Variants in DNA2 observed in about 807,000 individuals in gnomAD.
DNA2 encodes the protein DNA replication helicase/nuclease 2, also known as DNA replication ATP-dependent helicase/nuclease DNA2.
Under a neutral mutation model 119.1 loss-of-function variants are expected in DNA2, and 101 were observed. That is an observed-to-expected ratio of 0.85 (90% CI 0.72 to 1.00). The LOEUF is 1.00. Ranked by LOEUF, DNA2 falls within the 50% of genes least tolerant of loss-of-function variation. The pLI, the probability that DNA2 is intolerant of heterozygous loss-of-function variation, is 0.00. For missense variants in DNA2, 1,121 were observed against 1,255.5 expected (o/e 0.89, Z 1.62); for synonymous variants, 366 against 424.4 (o/e 0.86, Z 1.69).
rs1334953569 is a variant in DNA2, at chr10:68,465,685, A to C, written c.569T>G (p.Ile190Arg). ...QELAFQTIQE[I>R]RHLKEMYRLN... ...TACTTACATTTCCTTCAAATGTCTT[A>C]TTTCTTGAATTGTTTGAAAAGCAAG... Residue 190 changes from isoleucine (I) to arginine (R), a missense_variant, in exon 4 of 21, where the codon ATA (isoleucine) becomes AGA (arginine). Physicochemically the swap from Ile to Arg is moderately conservative, Grantham distance 97 (BLOSUM62 -3). Transcript: ENST00000358410. The C allele has an allele frequency of 6.3e-7, 1 of 1,594,076 alleles. No homozygotes were observed. The highest frequency in any genetic ancestry group is 1.8e-5 in the Admixed American group (1 of 55,016).
intron 14 of DNA2, among the ~76,000 whole-genome samples, chr10:68,427,064 A>G (rs1301039212): frequency 6.6e-6 from 1 of 151,808 alleles, no homozygotes; most frequent in Non-Finnish European, 1.5e-5. Context: ...GATGACAAAT[A>G]AGCACATGAA....
chr10:68,422,156 T>C, intron 17 of DNA2, 69 bp downstream of exon 17: 1 of 1,261,088 alleles, frequency 7.9e-7, no homozygotes. Flanking sequence ...GGGCATGTGC[T>C]AATGAAAACT....
chr10:68,462,375 A>C (rs1396159806), intron 4 of DNA2, among the ~76,000 whole-genome samples: 1 of 152,240 alleles, frequency 6.6e-6, no homozygotes, highest in East Asian at 1.9e-4. Context: ...TCTCAATAAC[A>C]ACCACAGCAA....
rs780722107 is a variant in DNA2 at position 68,450,026 on chromosome 10, A to G, written c.939+2T>C. 2.6e-6 allele frequency: 4 copies of G among 1,558,470 alleles called. No individual in the cohort carries two copies. Among genetic ancestry groups the G allele is most frequent in the Non-Finnish European group, 3.5e-6 (4 of 1,145,318 alleles). ...AGACAATTTTCTTATTAACATTTAT[A>G]CCTGACTACGGTGTTCAATAGAATT... On this transcript the variant is annotated splice_donor_variant, in intron 6 of 20. Transcript: ENST00000358410. LOFTEE classifies it high-confidence loss of function.
At chr10:68,434,097 A>G (rs948374700) in intron 10 of DNA2, among the ~76,000 whole-genome samples, 4 of 151,920 alleles carry the variant, frequency 2.6e-5, no homozygotes, top group Non-Finnish European at 5.9e-5. Context: ...CAACATAGTA[A>G]AACCCTGCGT....
intron 14 of DNA2, among the ~76,000 whole-genome samples, chr10:68,423,801 G>A (rs1293760557): frequency 2.0e-5 from 3 of 152,160 alleles, no homozygotes; most frequent in African/African-American, 4.8e-5. Context: ...CAGCGGTAAC[G>A]AGGAACCTCC....
intron 3 of DNA2, 122 bp from the exon 4 acceptor site, chr10:68,465,934 T>TAA: frequency 1.1e-6 from 1 of 911,228 alleles, no homozygotes; most frequent in Non-Finnish European, 1.5e-6. Context: ...GCCAAAATAT[T>TAA]AAAAAAATTT....
chr10:68,419,985 G>C lies in DNA2; in HGVS notation c.2698-93C>G, dbSNP rs1365146970. The stretch of plus-strand genomic sequence containing the variant: ...CCATAAAGACTATACTACCGACTTG[G>C]AGATGAAAAATAGCTTTGTCTAAAA... On this transcript the variant is annotated intron_variant, in intron 17 of 20. Coordinates refer to ENST00000358410, the MANE Select transcript of DNA2 (RefSeq NM_001080449.3). 4.3e-6 allele frequency: 4 copies of C among 938,322 alleles called. No individual in the cohort carries two copies. The East Asian group carries it at 7.4e-5, about 17-fold the overall frequency. The allele number at this position is 938,322 out of a possible 1,614,324, so 58.1% of individuals were successfully genotyped here. A position where few individuals can be genotyped will look rare whatever the true frequency, so the allele number is the denominator to read the frequency against.
Position 68,446,300 on chromosome 10 carries a change from T to TGAGG in DNA2, c.1052_1053insCCTC (p.Lys351AsnfsTer21). ...CTAAAAAAAAAACGGCTCAACCTCT[T>TGAGG]TTATCTAGATGGTTGGCAGGCACAG... On this transcript the variant is annotated frameshift_variant, in exon 7 of 21. Coordinates refer to ENST00000358410, the MANE Select transcript of DNA2 (RefSeq NM_001080449.3). LOFTEE classifies it high-confidence loss of function. The TGAGG allele has an allele frequency of 6.4e-7, 1 of 1,567,830 alleles. No homozygotes were observed. The highest frequency in any genetic ancestry group is 1.9e-5 in the Admixed American group (1 of 52,282).
chr10:68,467,338 T>G (rs1039404613), intron 3 of DNA2, among the ~76,000 whole-genome samples: 18 of 152,114 alleles, frequency 1.2e-4, no homozygotes, highest in African/African-American at 2.4e-5. Flanking sequence ...CTTGAACTCC[T>G]GACTTCATGA....
chr10:68,428,671 A>G (rs1272561802), intron 14 of DNA2, among the ~76,000 whole-genome samples: 1 of 152,214 alleles, frequency 6.6e-6, no homozygotes, highest in East Asian at 1.9e-4. Flanking sequence ...ACGTACAACT[A>G]TCTGGGGGAA....
chr10:68,472,035 T>C (rs767862972), upstream of DNA2: 23 of 1,605,682 alleles, frequency 1.4e-5, no homozygotes, highest in Non-Finnish European at 1.9e-5. Context: ...GCCGGCGCGT[T>C]CCACGTGGGG....
At chr10:68,459,264 T>C in intron 4 of DNA2, 29 bp from the exon 5 acceptor site, 1 of 1,511,116 alleles carries the variant, frequency 6.6e-7, no homozygotes, top group Non-Finnish European at 8.8e-7. Flanking sequence ...TAAATAGACT[T>C]AGACTTAAGC....
At position 68,450,260 on chromosome 10, in the gene DNA2, A is replaced by G; in HGVS notation, c.720-13T>C. The G allele has an allele frequency of 6.5e-7, 1 of 1,540,638 alleles. No individual in the cohort carries two copies. The highest frequency in any genetic ancestry group is 8.8e-7 in the Non-Finnish European group (1 of 1,138,880). On this transcript the variant is annotated splice_polypyrimidine_tract_variant and intron_variant, in intron 5 of 20. Coordinates refer to ENST00000358410, the MANE Select transcript of DNA2 (RefSeq NM_001080449.3). ...ATTATCACTTGGCCTGAAAAAAAAA[A>G]AAGCACAAAAACACTTAATTAGAAC...
intron 4 of DNA2, 61 bp downstream of exon 4, chr10:68,465,606 G>A: frequency 7.9e-7 from 1 of 1,272,944 alleles, no homozygotes; most frequent in Non-Finnish European, 1.1e-6. Context: ...ATACTTTATA[G>A]TTTCTAGGAC....
At chr10:68,471,219 A>G (rs1026635395) in intron 1 of DNA2, among the ~76,000 whole-genome samples, 7 of 152,156 alleles carry the variant, frequency 4.6e-5, no homozygotes, top group African/African-American at 1.7e-4. Flanking sequence ...CAAACGCTTT[A>G]TTCCTGTAGT....
At chr10:68,456,530 C>A (rs974399766) in intron 5 of DNA2, among the ~76,000 whole-genome samples, 2 of 152,068 alleles carry the variant, frequency 1.3e-5, no homozygotes, top group Non-Finnish European at 2.9e-5. Context: ...CCTCCTGCCT[C>A]AGCCTCCCGA....
At chr10:68,456,436 G>A (rs78801084) in intron 5 of DNA2, among the ~76,000 whole-genome samples, 45,192 of 151,978 alleles carry the variant, frequency 0.3, 7,575 homozygotes, top group African/African-American at 0.44. Flanking sequence ...GTTTTTTGAG[G>A]TGGAGTCTCG....
chr10:68,447,808 C>T (rs1262645913), intron 6 of DNA2, among the ~76,000 whole-genome samples: 3 of 151,610 alleles, frequency 2.0e-5, no homozygotes, highest in Non-Finnish European at 4.4e-5. Flanking sequence ...AAGGTGAAAC[C>T]CCGTCTCTAC....
Sources: allele counts gnomAD v4.1 joint callset (sites outside exome capture counted in the v4.1 genomes callset), GRCh38; gene constraint gnomAD v4.1.1; transcripts MANE v1.5; gene names NCBI Gene and HGNC (gene_info 2026-07-23, HGNC 2026-07-21).